Variants in MYRIP observed in about 807,000 individuals in gnomAD.
MYRIP encodes myosin VIIA and Rab interacting protein, also known as rab effector MyRIP.
In MYRIP, 49 loss-of-function variants were observed where a neutral mutation model predicts 98.0. The observed-to-expected ratio is 0.50, with a 90% CI of 0.40 to 0.63. The LOEUF (loss-of-function observed/expected upper bound fraction) is 0.63, where lower values mean the gene tolerates loss of function less well. Among genes scored for constraint, MYRIP ranks in the 30% least tolerant of loss-of-function variants. The pLI, the probability that MYRIP is intolerant of heterozygous loss-of-function variation, is 0.00. For synonymous variants in MYRIP, 404 were observed against 409.5 expected (o/e 0.99, Z 0.16); for missense variants, 1,004 against 1,058.2 (o/e 0.95, Z 0.71).
intron 1 of MYRIP, among the ~76,000 whole-genome samples, chr3:39,885,861 C>G (rs557666518): frequency 2.0e-5 from 3 of 152,018 alleles, no homozygotes; most frequent in Non-Finnish European, 4.4e-5. Flanking sequence ...CTCCTTTAAG[C>G]ACTTCTCTGT....
At chr3:39,931,003 C>G (rs1008929564) in intron 2 of MYRIP, among the ~76,000 whole-genome samples, 2 of 151,904 alleles carry the variant, frequency 1.3e-5, no homozygotes. Flanking sequence ...CCATTCTTGC[C>G]TTTGTATTTC....
At chr3:40,129,413 C>G (rs1177137409) in intron 3 of MYRIP, among the ~76,000 whole-genome samples, 1 of 122,168 alleles carries the variant, frequency 8.2e-6, no homozygotes, top group African/African-American at 3.1e-5. Flanking sequence ...TACACTCCAG[C>G]CTGGGCGACA....
intron 1 of MYRIP, among the ~76,000 whole-genome samples, chr3:39,817,741 G>A (rs992303036): frequency 6.6e-6 from 1 of 152,042 alleles, no homozygotes; most frequent in Non-Finnish European, 1.5e-5. Flanking sequence ...CTCAGTAGCC[G>A]CATGTATTGT....
intron 2 of MYRIP, among the ~76,000 whole-genome samples, chr3:40,037,063 A>T (rs868192464): frequency 2.6e-5 from 4 of 152,144 alleles, no homozygotes; most frequent in Admixed American, 1.3e-4. Flanking sequence ...CAGAAAAGGC[A>T]TGGTAGATAG....
chr3:40,098,108 T>A (rs59942426), intron 3 of MYRIP, among the ~76,000 whole-genome samples: 1 of 152,124 alleles, frequency 6.6e-6, no homozygotes, highest in Non-Finnish European at 1.5e-5. Context: ...TTGGGCCCCA[T>A]CAGAGACCAC....
intron 1 of MYRIP, among the ~76,000 whole-genome samples, chr3:39,877,830 C>T (rs576545325): frequency 2.0e-5 from 3 of 152,322 alleles, no homozygotes; most frequent in African/African-American, 7.2e-5. Flanking sequence ...TGCCCATTCT[C>T]AGATCTCCAG....
chr3:40,215,932 G>C (rs9830828), intron 11 of MYRIP, among the ~76,000 whole-genome samples: 21,277 of 152,234 alleles, frequency 0.14, 3,183 homozygotes, highest in African/African-American at 0.38. Context: ...CTCTTATCCA[G>C]AGTGCTTGAA....
chr3:40,203,133 T>G (rs1038662947), intron 10 of MYRIP, among the ~76,000 whole-genome samples: 10 of 151,964 alleles, frequency 6.6e-5, no homozygotes, highest in African/African-American at 2.4e-4. Context: ...GGTTTCACCA[T>G]GCTGGCCAGG....
intron 1 of MYRIP, among the ~76,000 whole-genome samples, chr3:39,879,446 G>C (rs1943105053): frequency 6.6e-6 from 1 of 151,834 alleles, no homozygotes; most frequent in African/African-American, 2.4e-5. Context: ...GGAGGATATA[G>C]TACAGAGACT....
At chr3:39,969,500 A>G (rs925938695) in intron 2 of MYRIP, among the ~76,000 whole-genome samples, 7 of 152,164 alleles carry the variant, frequency 4.6e-5, no homozygotes, top group African/African-American at 1.7e-4. Context: ...TGTTCCTTCA[A>G]TAAGTAGTTT....
intron 2 of MYRIP, among the ~76,000 whole-genome samples, chr3:39,993,824 G>A (rs1276330594): frequency 6.6e-6 from 1 of 152,212 alleles, no homozygotes; most frequent in Non-Finnish European, 1.5e-5. Context: ...CTGAGAGGGA[G>A]GGATAAGACT....
At chr3:39,859,407 C>G (rs1421234141) in intron 1 of MYRIP, among the ~76,000 whole-genome samples, 1 of 152,100 alleles carries the variant, frequency 6.6e-6, no homozygotes, top group Non-Finnish European at 1.5e-5. Context: ...CAAAGAAAAG[C>G]CCCAGACTAG....
intron 2 of MYRIP, among the ~76,000 whole-genome samples, chr3:40,000,564 C>G (rs1946496246): frequency 6.6e-6 from 1 of 152,218 alleles, no homozygotes. Flanking sequence ...TAGCCCTGGC[C>G]TTGTCATGGG....
intron 1 of MYRIP, among the ~76,000 whole-genome samples, chr3:39,884,754 T>C (rs1391049501): frequency 6.6e-6 from 1 of 151,982 alleles, no homozygotes; most frequent in African/African-American, 2.4e-5. Context: ...TTTTTCTTCC[T>C]TTTTTTCCTT....
At position 40,190,352 on chromosome 3, in the gene MYRIP, C is replaced by T. The variant is rs772920361; in HGVS notation, c.1554C>T (p.His518=). The part of the protein sequence containing the change: ...SDSSEPEEAP[H]TTDRRARRWR... The stretch of plus-strand genomic sequence containing the variant: ...GCAGCGAGCCGGAGGAGGCCCCCCA[C>T]ACCACAGACCGGCGGGCCAGGAGGT... The change falls in exon 10 of 17, where the codon CAC becomes CAT. Residue 518 remains histidine, a synonymous_variant. Coordinates refer to ENST00000302541, the MANE Select transcript of MYRIP (RefSeq NM_015460.4). 15 of 1,613,812 alleles carry T rather than the reference C, an allele frequency of 9.3e-6. No individual in the cohort carries two copies. In the East Asian group the frequency reaches 3.1e-4, roughly 34 times the overall value.
intron 2 of MYRIP, among the ~76,000 whole-genome samples, chr3:39,976,493 C>T (rs1286129315): frequency 3.3e-5 from 5 of 152,188 alleles, no homozygotes; most frequent in Non-Finnish European, 5.9e-5. Context: ...GTGGCGATTC[C>T]TCAGGGATCT....
chr3:39,996,910 G>T (rs1946373671), intron 2 of MYRIP, among the ~76,000 whole-genome samples: 1 of 152,212 alleles, frequency 6.6e-6, no homozygotes, highest in Non-Finnish European at 1.5e-5. Context: ...CATGGAAACT[G>T]AACAACCTGC....
At chr3:40,019,681 AT>A (rs1448414782) in intron 2 of MYRIP, among the ~76,000 whole-genome samples, 2 of 152,166 alleles carry the variant, frequency 1.3e-5, no homozygotes, top group Non-Finnish European at 1.5e-5. Flanking sequence ...GAAAGAATGA[AT>A]GAATGTTCCA....
intron 16 of MYRIP, 129 bp downstream of exon 16, chr3:40,252,128 C>A: frequency 1.4e-6 from 1 of 717,102 alleles, no homozygotes. Context: ...GTCTTATGGT[C>A]TGTTGGATTT....
Sources: gnomAD v4.1 joint callset for allele counts (sites outside exome capture counted in the v4.1 genomes callset) on GRCh38, gnomAD v4.1.1 for gene constraint, MANE v1.5 for transcripts, NCBI Gene and HGNC (gene_info 2026-07-23, HGNC 2026-07-21) for gene names.